The following CSMD1 variants were observed in gnomAD, a reference collection of about 807,000 sequenced individuals.
CSMD1 encodes CUB and sushi domain-containing protein 1.
A neutral mutation model predicts 417.5 loss-of-function variants in CSMD1; 213 were observed. That is an observed-to-expected ratio of 0.51 (90% confidence interval 0.46 to 0.57). The LOEUF (loss-of-function observed/expected upper bound fraction) is 0.57, where lower values mean the gene tolerates loss of function less well. CSMD1 is among the 20% of genes least tolerant of loss of function. The pLI is 0.00. For synonymous variants in CSMD1, 2,862 were observed against 1,736.8 expected (o/e 1.65, Z -16.11); for missense variants, 6,923 against 4,529.7 (o/e 1.53, Z -15.17).
At chr8:3,427,021 C>T (rs139095426) in intron 12 of CSMD1, among the ~76,000 whole-genome samples, 1 of 152,140 alleles carries the variant, frequency 6.6e-6, no homozygotes, top group Non-Finnish European at 1.5e-5. Context: ...AATTACCAAA[C>T]ACTTATAAAA....
intron 10 of CSMD1, among the ~76,000 whole-genome samples, chr8:3,498,019 C>A (rs926572237): frequency 1.3e-5 from 2 of 152,148 alleles, no homozygotes; most frequent in Non-Finnish European, 2.9e-5. Flanking sequence ...TTTCCTCATC[C>A]GGGAATAATT....
chr8:4,852,277 G>A (rs1033400942), intron 1 of CSMD1, among the ~76,000 whole-genome samples: 1 of 152,158 alleles, frequency 6.6e-6, no homozygotes, highest in Non-Finnish European at 1.5e-5. Context: ...CCTTGTGGGA[G>A]GTGCTGGGGT....
chr8:3,534,679 T>C (rs952758949), intron 10 of CSMD1, among the ~76,000 whole-genome samples: 16 of 152,210 alleles, frequency 1.1e-4, no homozygotes, highest in African/African-American at 3.6e-4. Flanking sequence ...AGAAAACCAT[T>C]GTGTACATCC....
At position 3,359,292 on chromosome 8, in the gene CSMD1, C is replaced by T. The variant is rs754510346; in HGVS notation, c.3164G>A (p.Arg1055Gln). The change falls in exon 21 of 70, where the codon CGA becomes CAA. Residue 1055 changes from arginine to glutamine, a missense_variant. Coordinates refer to ENST00000635120, the MANE Select transcript of CSMD1 (RefSeq NM_033225.6). ...CDDPGVPAFS[R>Q]RIGFHFGVGD... ...CACACCAAAGTGAAAACCAATTCTT[C>T]GGCTGAAGGCAGGGACTCCAGGATC... 104 of 1,613,672 alleles carry T rather than the reference C, an allele frequency of 6.4e-5. No individual in the cohort carries two copies. The highest frequency in any genetic ancestry group is 8.1e-5 in the Non-Finnish European group (96 of 1,179,840).
intron 5 of CSMD1, among the ~76,000 whole-genome samples, chr8:3,836,053 G>A (rs984666080): frequency 3.3e-5 from 5 of 151,850 alleles, no homozygotes; most frequent in Admixed American, 1.3e-4. Context: ...ATTGTTTATT[G>A]ATTTTCTATG....
chr8:4,748,513 CT>C (rs1432568523), intron 1 of CSMD1, among the ~76,000 whole-genome samples: 1 of 152,104 alleles, frequency 6.6e-6, no homozygotes, highest in African/African-American at 2.4e-5. Flanking sequence ...TTGTTAGTTT[CT>C]TTGTAACTGT....
At chr8:4,142,959 A>T (rs538999427) in intron 3 of CSMD1, among the ~76,000 whole-genome samples, 1 of 150,116 alleles carries the variant, frequency 6.7e-6, no homozygotes, top group Non-Finnish European at 1.5e-5. Context: ...AAATACCCAG[A>T]AACTATCAGA....
intron 54 of CSMD1, among the ~76,000 whole-genome samples, chr8:2,991,933 T>TG (rs1806422395): frequency 6.6e-6 from 1 of 152,308 alleles, no homozygotes; most frequent in Admixed American, 6.5e-5. Flanking sequence ...AAACCTGACG[T>TG]TATTTCCTAC....
At chr8:3,070,656 A>G (rs1252325896) in intron 49 of CSMD1, among the ~76,000 whole-genome samples, 2 of 152,316 alleles carry the variant, frequency 1.3e-5, no homozygotes, top group Non-Finnish European at 2.9e-5. Flanking sequence ...TTCATTGTTT[A>G]TATCACCATT....
chr8:4,098,731 A>T (rs1421907595), intron 3 of CSMD1, among the ~76,000 whole-genome samples: 2 of 152,198 alleles, frequency 1.3e-5, no homozygotes, highest in Non-Finnish European at 2.9e-5. Context: ...CCATTCAGCA[A>T]TATTTATCCC....
intron 5 of CSMD1, among the ~76,000 whole-genome samples, chr8:3,824,560 A>C (rs1801940913): frequency 6.6e-6 from 1 of 152,248 alleles, no homozygotes; most frequent in Admixed American, 6.5e-5. Context: ...TGCAAGGGCA[A>C]AATACGGAAT....
At chr8:3,749,082 G>T (rs1182681286) in intron 6 of CSMD1, among the ~76,000 whole-genome samples, 1 of 152,166 alleles carries the variant, frequency 6.6e-6, no homozygotes, top group Non-Finnish European at 1.5e-5. Flanking sequence ...TAGTGAGGGG[G>T]CCCTCATGGT....
chr8:4,698,862 C>T (rs1033342438), intron 1 of CSMD1, among the ~76,000 whole-genome samples: 12 of 151,552 alleles, frequency 7.9e-5, no homozygotes, highest in African/African-American at 2.9e-4. Flanking sequence ...TACTTCAATA[C>T]ATTTTGGCAA....
chr8:3,177,027 C>A (rs951189026), intron 37 of CSMD1, among the ~76,000 whole-genome samples: 10 of 152,072 alleles, frequency 6.6e-5, no homozygotes, highest in Admixed American at 2.0e-4. Context: ...ATCCACTCAC[C>A]ACAGCCTCCC....
intron 1 of CSMD1, among the ~76,000 whole-genome samples, chr8:4,743,869 C>G (rs952849992): frequency 7.2e-5 from 11 of 152,162 alleles, no homozygotes; most frequent in Non-Finnish European, 1.2e-4. Flanking sequence ...TCCGTTCCCA[C>G]TCAAGTTCTA....
intron 5 of CSMD1, among the ~76,000 whole-genome samples, chr8:3,854,443 T>C (rs577502115): frequency 3.3e-5 from 5 of 152,264 alleles, no homozygotes; most frequent in Non-Finnish European, 7.4e-5. Flanking sequence ...ATCCAAACAG[T>C]ACAACTTCAA....
chr8:3,977,940 G>A (rs1245477913), intron 5 of CSMD1, among the ~76,000 whole-genome samples: 6 of 152,188 alleles, frequency 3.9e-5, no homozygotes, highest in Non-Finnish European at 8.8e-5. Context: ...CCATGGAGAG[G>A]TCATGTGCAC....
intron 2 of CSMD1, among the ~76,000 whole-genome samples, chr8:4,593,921 G>C (rs144143953): frequency 4.6e-5 from 7 of 152,260 alleles, no homozygotes; most frequent in South Asian, 2.1e-4. Context: ...TGAGGGCCAG[G>C]AGTCTGAAAT....
chr8:3,827,392 G>C (rs1585054287), intron 5 of CSMD1, among the ~76,000 whole-genome samples: 1 of 152,242 alleles, frequency 6.6e-6, no homozygotes, highest in Non-Finnish European at 1.5e-5. Context: ...CCTGTACTTA[G>C]ATATCAAATA....
Sources: gnomAD v4.1 joint callset for allele counts (sites outside exome capture counted in the v4.1 genomes callset) on GRCh38, gnomAD v4.1.1 for gene constraint, MANE v1.5 for transcripts, NCBI Gene and HGNC (gene_info 2026-07-23, HGNC 2026-07-21) for gene names.